The following SKAP1 variants were observed in gnomAD, a reference collection of about 807,000 sequenced individuals.
The protein encoded by SKAP1 is src kinase associated phosphoprotein 1, also known as src kinase-associated phosphoprotein 1.
SKAP1 carries 44 observed loss-of-function variants against 58.5 expected under a neutral mutation model. The ratio of observed to expected loss-of-function variants is 0.75; its 90% confidence interval spans 0.59 to 0.97. The LOEUF (loss-of-function observed/expected upper bound fraction) is 0.97. SKAP1 is among the 50% of genes least tolerant of loss of function. The probability of loss-of-function intolerance (pLI) is 0.00; values close to 1 mark genes in which losing one functional copy is unlikely to be tolerated. For missense variants in SKAP1, 390 were observed against 435.2 expected, an observed-to-expected ratio of 0.90 and a Z score of 0.92; for synonymous variants, 127 against 149.7, an observed-to-expected ratio of 0.85 and a Z score of 1.11.
At chr17:48,389,945 T>C (rs1335905685) in intron 2 of SKAP1, among the ~76,000 whole-genome samples, 1 of 152,228 alleles carries the variant, frequency 6.6e-6, no homozygotes, top group Non-Finnish European at 1.5e-5. Context: ...GTGTGCATTT[T>C]TGGAACATTT....
At chr17:48,153,891 A>C (rs2063935711) in intron 11 of SKAP1, among the ~76,000 whole-genome samples, 1 of 150,174 alleles carries the variant, frequency 6.7e-6, no homozygotes, top group Non-Finnish European at 1.5e-5. Flanking sequence ...AGAGCCCTGA[A>C]ATTAAAAAAA....
chr17:48,193,010 T>A (rs569218589), intron 4 of SKAP1, among the ~76,000 whole-genome samples: 3 of 152,288 alleles, frequency 2.0e-5, no homozygotes, highest in Non-Finnish European at 2.9e-5. Context: ...TGTGTTTTTG[T>A]GTATAGTCAG....
At chr17:48,183,562 A>T (rs770861668) in intron 7 of SKAP1, among the ~76,000 whole-genome samples, 15 of 152,330 alleles carry the variant, frequency 9.8e-5, no homozygotes, top group Admixed American at 2.0e-4. Flanking sequence ...TTATTAATAG[A>T]CATTGTTATT....
At chr17:48,252,490 T>C (rs1431051892) in intron 4 of SKAP1, among the ~76,000 whole-genome samples, 3 of 152,182 alleles carry the variant, frequency 2.0e-5, no homozygotes, top group Admixed American at 6.5e-5. Flanking sequence ...GTACTTTACA[T>C]ATATATCTGA....
chr17:48,364,134 TG>T (rs1428520338), intron 2 of SKAP1, among the ~76,000 whole-genome samples: 1 of 152,230 alleles, frequency 6.6e-6, no homozygotes, highest in Non-Finnish European at 1.5e-5. Context: ...GATGGTTCTT[TG>T]TTGTGACAAT....
chr17:48,182,252 T>C, intron 8 of SKAP1, 142 bp downstream of exon 8: 1 of 647,014 alleles, frequency 1.5e-6, no homozygotes, highest in South Asian at 1.9e-5. Flanking sequence ...TATTTGTTGT[T>C]GTAATATGGG....
intron 1 of SKAP1, among the ~76,000 whole-genome samples, chr17:48,411,851 A>T (rs1049834857): frequency 1.3e-5 from 2 of 152,204 alleles, no homozygotes; most frequent in African/African-American, 4.8e-5. Context: ...CAAAAACAAG[A>T]AAGGTCTGGG....
chr17:48,337,843 C>T lies in SKAP1; in HGVS notation c.280+8062G>A, dbSNP rs114125560. Among the ~76,000 whole-genome samples the T allele has an allele frequency of 3.4e-3, 516 of 152,212 alleles. 4 individuals carry two copies. The highest frequency in any genetic ancestry group is 0.012 in the African/African-American group (481 of 41,550). On this transcript the variant is annotated intron_variant, in intron 4 of 12. Coordinates refer to ENST00000336915, the MANE Select transcript of SKAP1 (RefSeq NM_003726.4). ...CTTCTACAAAGCCATTTGGAGGCTG[C>T]ATTGAAAAGCATGCTGAGATCATGC...
intron 1 of SKAP1, among the ~76,000 whole-genome samples, chr17:48,401,417 A>G (rs1170908713): frequency 6.6e-6 from 1 of 152,210 alleles, no homozygotes; most frequent in East Asian, 1.9e-4. Flanking sequence ...TGGTACTGGC[A>G]TAAGGACAGA....
intron 11 of SKAP1, among the ~76,000 whole-genome samples, chr17:48,159,969 G>A (rs1406971355): frequency 6.6e-6 from 1 of 152,122 alleles, no homozygotes; most frequent in Non-Finnish European, 1.5e-5. Context: ...GGAGCCAGCT[G>A]GTGTAGCTTT....
chr17:48,398,029 G>A (rs1468032980), intron 1 of SKAP1, among the ~76,000 whole-genome samples: 3 of 152,110 alleles, frequency 2.0e-5, no homozygotes, highest in African/African-American at 4.8e-5. Flanking sequence ...AAAATTGTGC[G>A]TGTAATATGA....
intron 4 of SKAP1, among the ~76,000 whole-genome samples, chr17:48,275,923 GACCACTATATCTTATTAAT>G (rs1036868792): frequency 3.9e-5 from 6 of 152,140 alleles, no homozygotes; most frequent in African/African-American, 1.4e-4. Context: ...AGTGGAAAGG[GACCACTATATCTTATTAAT>G]ACCACACATA....
chr17:48,205,019 C>CTT (rs1301593627), intron 4 of SKAP1, among the ~76,000 whole-genome samples: 107 of 41,976 alleles, frequency 2.5e-3, no homozygotes, highest in African/African-American at 8.4e-3. Context: ...CTTTCTTTTT[C>CTT]TTTCTTTCTT....
intron 12 of SKAP1, among the ~76,000 whole-genome samples, chr17:48,135,921 G>A (rs1172660485): frequency 6.6e-6 from 1 of 152,150 alleles, no homozygotes; most frequent in Non-Finnish European, 1.5e-5. Context: ...GGGAAATGGT[G>A]CCCTGGGTTT....
intron 4 of SKAP1, among the ~76,000 whole-genome samples, chr17:48,319,113 A>G (rs1479324819): frequency 6.6e-6 from 1 of 152,216 alleles, no homozygotes; most frequent in Non-Finnish European, 1.5e-5. Context: ...GAATGGCAAA[A>G]GGAATTGATC....
At chr17:48,315,692 T>A (rs1336166449) in intron 4 of SKAP1, among the ~76,000 whole-genome samples, 1 of 152,180 alleles carries the variant, frequency 6.6e-6, no homozygotes, top group African/African-American at 2.4e-5. Context: ...AGCCCAAGAT[T>A]CAAAATGCTC....
At chr17:48,185,855 T>G (rs558816973) in intron 6 of SKAP1, 2 of 152,450 alleles carry the variant, frequency 1.3e-5, no homozygotes, top group South Asian at 2.1e-4. Context: ...CAGTGCTTTT[T>G]GACACCAGAA....
intron 4 of SKAP1, among the ~76,000 whole-genome samples, chr17:48,235,053 T>C (rs1299556695): frequency 1.3e-5 from 2 of 152,170 alleles, no homozygotes; most frequent in Non-Finnish European, 2.9e-5. Context: ...GCTCAAGAAA[T>C]GTTACGTTTT....
At chr17:48,405,211 CT>C (rs2067554489) in intron 1 of SKAP1, among the ~76,000 whole-genome samples, 1 of 152,002 alleles carries the variant, frequency 6.6e-6, no homozygotes, top group African/African-American at 2.4e-5. Flanking sequence ...TTTAAATTTT[CT>C]AGTAGCCTCA....
Sources: allele counts gnomAD v4.1 joint callset (sites outside exome capture counted in the v4.1 genomes callset), GRCh38; gene constraint gnomAD v4.1.1; transcripts MANE v1.5; gene names NCBI Gene and HGNC (gene_info 2026-07-23, HGNC 2026-07-21).